Variants in CNNM2 observed in about 807,000 individuals in gnomAD.
CNNM2 encodes the protein metal transporter CNNM2.
A neutral mutation model predicts 66.9 loss-of-function variants in CNNM2; 12 were observed. That is an observed-to-expected ratio of 0.18 (90% CI 0.11 to 0.29). The LOEUF (loss-of-function observed/expected upper bound fraction) is 0.29. CNNM2 is among the 10% of genes least tolerant of loss of function. CNNM2 has a pLI of 1.00. For synonymous variants in CNNM2, 557 were observed against 501.8 expected (o/e 1.11, Z -1.47); for missense variants, 705 against 1,167.7 (o/e 0.60, Z 5.77).
At chr10:103,040,534 GGTGA>G (rs1240973578) in intron 1 of CNNM2, among the ~76,000 whole-genome samples, 5 of 152,284 alleles carry the variant, frequency 3.3e-5, no homozygotes, top group African/African-American at 1.2e-4. Flanking sequence ...GTTATGTTAT[GGTGA>G]GTAAGTCTTC....
intron 1 of CNNM2, among the ~76,000 whole-genome samples, chr10:103,003,916 C>G (rs1452237271): frequency 1.3e-5 from 2 of 151,196 alleles, no homozygotes; most frequent in Non-Finnish European, 2.9e-5. Flanking sequence ...TTCTTTTACA[C>G]AGCATTATAT....
At chr10:103,055,198 C>G (rs906624726) in intron 3 of CNNM2, among the ~76,000 whole-genome samples, 3 of 152,172 alleles carry the variant, frequency 2.0e-5, no homozygotes, top group Admixed American at 1.3e-4. Flanking sequence ...GGGTTGAGCT[C>G]TGGTGGCCAG....
chr10:103,018,335 C>T (rs1207204616), intron 1 of CNNM2, among the ~76,000 whole-genome samples: 1 of 152,060 alleles, frequency 6.6e-6, no homozygotes, highest in East Asian at 1.9e-4. Flanking sequence ...TCCTTCCCCT[C>T]CTTAAAGGAG....
chr10:102,987,466 G>C (rs886825121), intron 1 of CNNM2, among the ~76,000 whole-genome samples: 33 of 151,972 alleles, frequency 2.2e-4, no homozygotes, highest in African/African-American at 7.2e-4. Context: ...GACCACAGGT[G>C]CCCACCACCA....
chr10:103,002,864 CAT>C (rs1027120475), intron 1 of CNNM2, among the ~76,000 whole-genome samples: 7 of 152,124 alleles, frequency 4.6e-5, no homozygotes, highest in African/African-American at 1.7e-4. Flanking sequence ...AAATGCTAAA[CAT>C]AGATTTACCA....
chr10:103,044,110 G>T (rs895968542), intron 1 of CNNM2, among the ~76,000 whole-genome samples: 1 of 152,122 alleles, frequency 6.6e-6, no homozygotes, highest in Admixed American at 6.5e-5. Flanking sequence ...TAAATATTTT[G>T]TTGACTGCTA....
At chr10:102,975,487 AAC>A (rs1491440541) in intron 1 of CNNM2, among the ~76,000 whole-genome samples, 7 of 151,496 alleles carry the variant, frequency 4.6e-5, no homozygotes, top group Middle Eastern at 3.4e-3. Context: ...AAAAAAAAAA[AAC>A]AAACCTCCAC....
intron 1 of CNNM2, among the ~76,000 whole-genome samples, chr10:102,947,612 G>T (rs144956926): frequency 6.6e-6 from 1 of 152,150 alleles, no homozygotes; most frequent in Non-Finnish European, 1.5e-5. Context: ...TTAGCTGGGC[G>T]TAGTGGTGCA....
intron 4 of CNNM2, among the ~76,000 whole-genome samples, chr10:103,063,861 G>T (rs1379509146): frequency 6.6e-6 from 1 of 152,156 alleles, no homozygotes; most frequent in African/African-American, 2.4e-5. Context: ...GGAAAAAGTT[G>T]TTATCTGAAA....
At chr10:103,004,169 A>T (rs1049884508) in intron 1 of CNNM2, among the ~76,000 whole-genome samples, 2 of 147,252 alleles carry the variant, frequency 1.4e-5, no homozygotes, top group African/African-American at 5.1e-5. Context: ...AGCCTGGCTA[A>T]TTTTTTTGTA....
intron 1 of CNNM2, among the ~76,000 whole-genome samples, chr10:102,986,526 TAATAC>T (rs1327000944): frequency 6.6e-6 from 1 of 152,066 alleles, no homozygotes; most frequent in African/African-American, 2.4e-5. Context: ...CTCACGCCTG[TAATAC>T]CAGTACTTTG....
chr10:102,976,244 G>A (rs1042048528), intron 1 of CNNM2, among the ~76,000 whole-genome samples: 32 of 152,116 alleles, frequency 2.1e-4, no homozygotes, highest in African/African-American at 7.7e-4. Context: ...AGAAAGCAAA[G>A]TGAATAACAT....
rs79460652 is a variant in CNNM2, at chr10:103,030,041, A to T, written c.1622-19666A>T. 4.1e-3 allele frequency among the ~76,000 whole-genome samples: 621 copies of T among 152,078 alleles called. 20 individuals are homozygous for T. In the East Asian group the frequency reaches 0.073, roughly 18 times the overall value. On this transcript the variant is annotated intron_variant, in intron 1 of 7. Coordinates refer to ENST00000369878, the MANE Select transcript of CNNM2 (RefSeq NM_017649.5). ...AGATGATGCTTACATTGAATATTTG[A>T]GGGAGAATAAGAGTAAAGAAGCCAA... is the stretch of plus-strand genomic sequence containing the variant.
chr10:102,987,525 G>C (rs1254158667), intron 1 of CNNM2, among the ~76,000 whole-genome samples: 1 of 152,012 alleles, frequency 6.6e-6, no homozygotes, highest in Admixed American at 6.6e-5. Context: ...GTTTCACCAT[G>C]TTGGCGAGGA....
intron 1 of CNNM2, among the ~76,000 whole-genome samples, chr10:102,998,956 G>A (rs1269269266): frequency 1.3e-5 from 2 of 152,206 alleles, no homozygotes; most frequent in African/African-American, 4.8e-5. Flanking sequence ...CCAGGCTAGA[G>A]TGCAGTGGCG....
At chr10:102,984,723 G>A (rs954290227) in intron 1 of CNNM2, among the ~76,000 whole-genome samples, 1 of 150,956 alleles carries the variant, frequency 6.6e-6, no homozygotes, top group Non-Finnish European at 1.5e-5. Context: ...GCAGTGGTGT[G>A]ATCTCGGCTC....
chr10:102,928,051 A>T (rs1453785489), intron 1 of CNNM2, among the ~76,000 whole-genome samples: 1 of 152,200 alleles, frequency 6.6e-6, no homozygotes, highest in Non-Finnish European at 1.5e-5. Context: ...TCTGTTTTGG[A>T]CAAGTAACTT....
chr10:103,087,316 T>C lies in CNNM2; in HGVS notation c.*10136T>C, dbSNP rs1168005112. On this transcript the variant is annotated 3_prime_UTR_variant, in exon 8 of 8. Coordinates refer to ENST00000369878, the MANE Select transcript of CNNM2 (RefSeq NM_017649.5). The stretch of plus-strand genomic sequence containing the variant: ...CTTCCCAGCACACTCTTAAGAATAA[T>C]ATACAGAGAGGCACCATTTTGCTCT... 1.3e-5 allele frequency: 2 copies of C among 151,964 alleles called. No individual in the cohort carries two copies. Among genetic ancestry groups the C allele is most frequent in the African/African-American group, 4.8e-5 (2 of 41,352 alleles). 9.4% of individuals were successfully genotyped at this position (151,964 alleles called of 1,614,324 possible).
rs543542646 is a variant in CNNM2, at chr10:103,054,927, C to T, written c.1903+461C>T. On this transcript the variant is annotated intron_variant, in intron 3 of 7. Transcript: ENST00000369878. This position sits in a 1 kb window ranked among gnomAD's most constrained non-coding sequence, Gnocchi z 5.2. The stretch of plus-strand genomic sequence containing the variant: ...TTGGACATCAGTGGTAACACAGGGG[C>T]TGTGATTTGCAAAGAAGAAAACTAG... 2.6e-5 allele frequency among the ~76,000 whole-genome samples: 4 copies of T among 152,194 alleles called. No individual in the cohort carries two copies. Among genetic ancestry groups the T allele is most frequent in the African/African-American group, 4.8e-5 (2 of 41,454 alleles).
Sources: gnomAD v4.1 joint callset for allele counts (sites outside exome capture counted in the v4.1 genomes callset) on GRCh38, gnomAD v4.1.1 for gene constraint, Gnocchi (gnomAD v3.1) non-coding constraint, MANE v1.5 for transcripts, NCBI Gene and HGNC (gene_info 2026-07-23, HGNC 2026-07-21) for gene names.